The following RNF152 variants were observed in gnomAD, a reference collection of about 807,000 sequenced individuals.
The protein encoded by RNF152 is ring finger protein 152, also known as E3 ubiquitin-protein ligase RNF152.
RNF152 carries 11 observed loss-of-function variants against 12.7 expected under a neutral mutation model. That is an observed-to-expected ratio of 0.86 (90% CI 0.54 to 1.43). The LOEUF (loss-of-function observed/expected upper bound fraction) is 1.43, where lower values mean the gene tolerates loss of function less well. Among genes scored for constraint, RNF152 ranks in the 40% most tolerant of loss-of-function variants. RNF152 has a pLI of 0.00. For synonymous variants in RNF152, 113 were observed against 120.3 expected, an observed-to-expected ratio of 0.94 and a Z score of 0.40; for missense variants, 255 against 274.8, an observed-to-expected ratio of 0.93 and a Z score of 0.51.
chr18:61,840,681 C>T (rs994001590), intron 1 of RNF152, among the ~76,000 whole-genome samples: 3 of 152,084 alleles, frequency 2.0e-5, no homozygotes, highest in Admixed American at 6.5e-5. Flanking sequence ...AGAATGGGGG[C>T]CTAGCACCCA....
rs1390093306 is a variant in RNF152, at chr18:61,813,126, G to C, written c.*2726C>G. The C allele has an allele frequency of 6.6e-6, 1 of 152,122 alleles. No individual in the cohort carries two copies. Among genetic ancestry groups the C allele is most frequent in the African/African-American group, 2.4e-5 (1 of 41,424 alleles). 9.4% of individuals were successfully genotyped at this position (152,122 alleles called of 1,614,324 possible). ...ATGAATCCTGGCCTCTTGTGTCAGT[G>C]GACTTTGGTCACATGGGTAGATGTG... is the stretch of plus-strand genomic sequence containing the variant. On this transcript the variant is annotated 3_prime_UTR_variant, in exon 2 of 2. Transcript: ENST00000312828.
intron 1 of RNF152, among the ~76,000 whole-genome samples, chr18:61,850,183 C>A (rs1910907295): frequency 6.6e-6 from 1 of 152,208 alleles, no homozygotes. Flanking sequence ...TGAACGTGGG[C>A]AAGTTATCTA....
intron 1 of RNF152, among the ~76,000 whole-genome samples, chr18:61,885,370 C>A (rs1270620110): frequency 6.6e-6 from 1 of 152,124 alleles, no homozygotes; most frequent in African/African-American, 2.4e-5. Flanking sequence ...TGCAGTGGTG[C>A]GATCTCAACT....
intron 1 of RNF152, among the ~76,000 whole-genome samples, chr18:61,844,026 AAGAG>A (rs543901994): frequency 9.4e-4 from 142 of 150,482 alleles, no homozygotes; most frequent in Middle Eastern, 6.8e-3. Context: ...AGAGAAAAGA[AAGAG>A]AGAGAGAAAG....
At chr18:61,856,318 C>T (rs905048684) in intron 1 of RNF152, among the ~76,000 whole-genome samples, 8 of 152,080 alleles carry the variant, frequency 5.3e-5, no homozygotes, top group Non-Finnish European at 8.8e-5. Flanking sequence ...GGGTTCCTGT[C>T]CTGGGAACAC....
chr18:61,820,899 C>T (rs896545166), intron 1 of RNF152, among the ~76,000 whole-genome samples: 4 of 152,124 alleles, frequency 2.6e-5, no homozygotes, highest in Non-Finnish European at 4.4e-5. Flanking sequence ...AGTCATTTAC[C>T]TTCTCTGAGC....
chr18:61,889,276 T>C (rs1331123766), intron 1 of RNF152, among the ~76,000 whole-genome samples: 3 of 152,220 alleles, frequency 2.0e-5, no homozygotes, highest in African/African-American at 7.2e-5. Context: ...TTTGGAGAGC[T>C]ATCTTTATAA....
At chr18:61,883,148 C>T (rs1912537136) in intron 1 of RNF152, among the ~76,000 whole-genome samples, 1 of 152,184 alleles carries the variant, frequency 6.6e-6, no homozygotes. Context: ...TTCAGCCCCT[C>T]AACCTGTCCT....
At chr18:61,834,498 G>T (rs1278007280) in intron 1 of RNF152, among the ~76,000 whole-genome samples, 1 of 152,196 alleles carries the variant, frequency 6.6e-6, no homozygotes, top group Admixed American at 6.5e-5. Context: ...CCAGCATCTA[G>T]CCAACTGATG....
chr18:61,844,394 G>T (rs1910656081), intron 1 of RNF152, among the ~76,000 whole-genome samples: 1 of 152,156 alleles, frequency 6.6e-6, no homozygotes, highest in South Asian at 2.1e-4. Context: ...AACCTGAGAG[G>T]AGTTATGAGT....
intron 1 of RNF152, among the ~76,000 whole-genome samples, chr18:61,850,193 A>T (rs1460109880): frequency 6.6e-6 from 1 of 152,240 alleles, no homozygotes; most frequent in African/African-American, 2.4e-5. Flanking sequence ...CAAGTTATCT[A>T]ACCTTGTTAT....
intron 1 of RNF152, among the ~76,000 whole-genome samples, chr18:61,864,255 C>A (rs1292539229): frequency 2.0e-5 from 3 of 152,194 alleles, no homozygotes; most frequent in Non-Finnish European, 4.4e-5. Flanking sequence ...TCCTGTGCTT[C>A]TGACTGACTG....
chr18:61,834,743 A>T (rs1359834342), intron 1 of RNF152, among the ~76,000 whole-genome samples: 4 of 152,226 alleles, frequency 2.6e-5, no homozygotes, highest in African/African-American at 4.8e-5. Context: ...AATCATGAGT[A>T]TAGTAAGATT....
chr18:61,844,139 AAAT>A (rs1910628788), intron 1 of RNF152, among the ~76,000 whole-genome samples: 5 of 139,000 alleles, frequency 3.6e-5, no homozygotes, highest in Admixed American at 7.1e-5. Flanking sequence ...AGAAAGAAAG[AAAT>A]TAAGAGAAAA....
At chr18:61,851,329 T>G (rs917430249) in intron 1 of RNF152, among the ~76,000 whole-genome samples, 1 of 152,204 alleles carries the variant, frequency 6.6e-6, no homozygotes, top group African/African-American at 2.4e-5. Context: ...ACACTGCATC[T>G]ATACCATATT....
At chr18:61,883,583 G>T (rs1912562356) in intron 1 of RNF152, among the ~76,000 whole-genome samples, 2 of 152,088 alleles carry the variant, frequency 1.3e-5, no homozygotes, top group South Asian at 4.1e-4. Context: ...AAGACTGGAG[G>T]GTGACCAGCT....
intron 1 of RNF152, among the ~76,000 whole-genome samples, chr18:61,863,751 C>CT (rs772376336): frequency 1.3e-5 from 2 of 152,130 alleles, no homozygotes; most frequent in African/African-American, 2.4e-5. Flanking sequence ...GCATTACACA[C>CT]TAATGTCCGA....
At chr18:61,839,721 C>T (rs1251366206) in intron 1 of RNF152, among the ~76,000 whole-genome samples, 1 of 152,138 alleles carries the variant, frequency 6.6e-6, no homozygotes, top group African/African-American at 2.4e-5. Flanking sequence ...CAGCGACACC[C>T]TGTCTCTACT....
chr18:61,892,047 T>C (rs1408125726), intron 1 of RNF152, among the ~76,000 whole-genome samples: 1 of 152,182 alleles, frequency 6.6e-6, no homozygotes, highest in African/African-American at 2.4e-5. Flanking sequence ...TGCACTCTTA[T>C]CAAGATAACC....
Sources: gnomAD v4.1 joint callset for allele counts (sites outside exome capture counted in the v4.1 genomes callset) on GRCh38, gnomAD v4.1.1 for gene constraint, MANE v1.5 for transcripts, NCBI Gene and HGNC (gene_info 2026-07-23, HGNC 2026-07-21) for gene names.